AGAP1: variants seen among roughly 807,000 people sequenced by gnomAD.
AGAP1 encodes ArfGAP with GTPase domain, ankyrin repeat and PH domain 1, also known as arf-GAP with GTPase, ANK repeat and PH domain-containing protein 1.
AGAP1 carries 29 observed loss-of-function variants against 105.3 expected under a neutral mutation model. The ratio of observed to expected loss-of-function variants is 0.28; its 90% CI spans 0.21 to 0.38. The LOEUF (loss-of-function observed/expected upper bound fraction) is 0.38, where lower values mean the gene tolerates loss of function less well. Among genes scored for constraint, AGAP1 ranks in the 10% least tolerant of loss-of-function variants. The pLI is 1.00. For missense variants in AGAP1, 998 were observed against 1,165.1 expected, an observed-to-expected ratio of 0.86 and a Z score of 2.09; for synonymous variants, 509 against 485.9, an observed-to-expected ratio of 1.05 and a Z score of -0.63.
At chr2:235,854,947 C>A (rs866266328) in intron 9 of AGAP1, among the ~76,000 whole-genome samples, 1 of 152,114 alleles carries the variant, frequency 6.6e-6, no homozygotes, top group Non-Finnish European at 1.5e-5. Context: ...GCTCTGACTT[C>A]GTCACGTAGA....
intron 1 of AGAP1, among the ~76,000 whole-genome samples, chr2:235,495,606 C>T (rs546311229): frequency 6.6e-6 from 1 of 152,392 alleles, no homozygotes; most frequent in South Asian, 2.1e-4. Context: ...AGAATCCCCA[C>T]CCGCTTCCCT....
intron 13 of AGAP1, among the ~76,000 whole-genome samples, chr2:235,999,534 A>G (rs970704577): frequency 8.9e-5 from 11 of 124,094 alleles, no homozygotes; most frequent in Non-Finnish European, 1.8e-4. Context: ...GGTGATGATG[A>G]TGATAGTGGT....
In AGAP1 at chr2:235,557,345, A is replaced by G. The variant is rs1944006688; in HGVS notation, c.163+62496A>G. On this transcript the variant is annotated intron_variant, in intron 1 of 17. Coordinates refer to ENST00000304032, the MANE Select transcript of AGAP1 (RefSeq NM_001037131.3). This position sits in a 1 kb window ranked among gnomAD's most constrained non-coding sequence, Gnocchi z 4.7. ...CTGTTGCTCACCGCGTGTTGATTTT[A>G]TTTAAGACTGGAAAGGCTTGTCCAT... is the stretch of plus-strand genomic sequence containing the variant. 6.6e-6 allele frequency among the ~76,000 whole-genome samples: 1 copy of G among 152,022 alleles called. No individual in the cohort carries two copies. The highest frequency in any genetic ancestry group is 1.5e-5 in the Non-Finnish European group (1 of 68,022).
In AGAP1 at chr2:235,642,059, CGTA is replaced by C. The variant is rs1559308811; in HGVS notation, c.164-67115_164-67113del. 6.6e-6 allele frequency among the ~76,000 whole-genome samples: 1 copy of C among 152,224 alleles called. No individual in the cohort carries two copies. The highest frequency in any genetic ancestry group is 1.5e-5 in the Non-Finnish European group (1 of 68,036). On this transcript the variant is annotated intron_variant, in intron 1 of 17. Coordinates refer to ENST00000304032, the MANE Select transcript of AGAP1 (RefSeq NM_001037131.3). The surrounding 1 kb of genome is among the most constrained non-coding windows in gnomAD (Gnocchi z 4.1). ...TGCTTCTTTACTCAGCATAAAGCCT[CGTA>C]GTAGATTCTCAGGTCCCAGGGGTGC...
chr2:235,692,519 C>T lies in AGAP1; in HGVS notation c.164-16660C>T, dbSNP rs1949782036. 6.6e-6 allele frequency among the ~76,000 whole-genome samples: 1 copy of T among 152,140 alleles called. No individual in the cohort carries two copies. The highest frequency in any genetic ancestry group is 2.1e-4 in the South Asian group (1 of 4,810). On this transcript the variant is annotated intron_variant, in intron 1 of 17. Transcript: ENST00000304032. The surrounding 1 kb of genome is among the most constrained non-coding windows in gnomAD (Gnocchi z 5.8). ...TGAAACCCAAACTCTGCACTCCAGC[C>T]CCAGCATCAAACCATACTTCGCCCT... is the stretch of plus-strand genomic sequence containing the variant.
intron 16 of AGAP1, among the ~76,000 whole-genome samples, chr2:236,093,443 C>T (rs1450195550): frequency 6.6e-6 from 1 of 152,110 alleles, no homozygotes; most frequent in Non-Finnish European, 1.5e-5. Context: ...GCAAGGGAGA[C>T]GTGGCACCTC....
chr2:236,068,228 G>A (rs892489916), intron 16 of AGAP1, among the ~76,000 whole-genome samples: 4 of 152,120 alleles, frequency 2.6e-5, no homozygotes, highest in Admixed American at 2.0e-4. Context: ...CCAAGATCAC[G>A]CCACTACACT....
chr2:235,602,422 C>T (rs1323709414), intron 1 of AGAP1, among the ~76,000 whole-genome samples: 1 of 152,168 alleles, frequency 6.6e-6, no homozygotes, highest in Non-Finnish European at 1.5e-5. Flanking sequence ...CCTGCTTGGC[C>T]TTCTTTCCTC....
At chr2:235,715,833 C>T (rs577142162) in intron 2 of AGAP1, among the ~76,000 whole-genome samples, 11 of 152,108 alleles carry the variant, frequency 7.2e-5, no homozygotes, top group African/African-American at 2.7e-4. Flanking sequence ...TGACTTCCAG[C>T]CACTGGGAGT....
At chr2:235,995,534 G>T (rs1039857161) in intron 13 of AGAP1, among the ~76,000 whole-genome samples, 1 of 152,022 alleles carries the variant, frequency 6.6e-6, no homozygotes, top group African/African-American at 2.4e-5. Flanking sequence ...ACAAAAGAAA[G>T]AAAAAATTCT....
At chr2:236,010,898 T>C (rs1485342847) in intron 13 of AGAP1, among the ~76,000 whole-genome samples, 1 of 152,138 alleles carries the variant, frequency 6.6e-6, no homozygotes, top group Admixed American at 6.5e-5. Context: ...GTACAAAAAA[T>C]TAGTCGGGCG....
Position 235,518,263 on chromosome 2 carries a change from C to CTG in AGAP1, c.163+23415_163+23416insGT, listed in dbSNP as rs1345497837. On this transcript the variant is annotated intron_variant, in intron 1 of 17. Transcript: ENST00000304032. ...TTTACACTGTTTGATTGATTGGATG[C>CTG]TTATCAGGAATCTCAAAACCCAGCT... Among the ~76,000 whole-genome samples, 263 of 152,306 alleles carry CTG rather than the reference C, an allele frequency of 1.7e-3. 1 individual carries two copies. The highest frequency in any genetic ancestry group is 1.9e-4 in the Non-Finnish European group (13 of 68,030).
At chr2:235,675,740 C>T (rs1013452704) in intron 1 of AGAP1, among the ~76,000 whole-genome samples, 5 of 152,190 alleles carry the variant, frequency 3.3e-5, no homozygotes, top group African/African-American at 1.2e-4. Flanking sequence ...CTGTGCTGAA[C>T]GTCAGCCAGG....
intron 9 of AGAP1, among the ~76,000 whole-genome samples, chr2:235,840,768 GTT>G (rs11373301): frequency 6.8e-6 from 1 of 146,610 alleles, no homozygotes; most frequent in African/African-American, 2.5e-5. Flanking sequence ...AGAAAGAAGA[GTT>G]TTTTTTTTTT....
Position 235,963,354 on chromosome 2 carries a change from G to T in AGAP1, c.1484-5108G>T, listed in dbSNP as rs963333783. 6.6e-6 allele frequency among the ~76,000 whole-genome samples: 1 copy of T among 152,318 alleles called. No homozygotes were observed. Among genetic ancestry groups the T allele is most frequent in the East Asian group, 1.9e-4 (1 of 5,182 alleles). On this transcript the variant is annotated intron_variant, in intron 12 of 17. Transcript: ENST00000304032. The surrounding 1 kb of genome is among the most constrained non-coding windows in gnomAD (Gnocchi z 5.1). ...TCTGAGCTAGATGCCAGTGAGTCAG[G>T]TCACAACCAGGTGGGATTCTGAATT...
rs189890602 is a variant in AGAP1, at chr2:235,709,187, G to T, written c.172G>T (p.Val58Leu). 1 of 1,614,026 alleles carries T rather than the reference G, an allele frequency of 6.2e-7. No individual in the cohort carries two copies. The highest frequency in any genetic ancestry group is 1.3e-5 in the African/African-American group (1 of 75,000). The part of the protein sequence containing the change: ...EHVIAIEDAF[V>L]NSQEWTLSRS... The stretch of plus-strand genomic sequence containing the variant: ...GTCCTCCTCTTTTTCAGATGCCTTC[G>T]TGAACAGCCAGGAATGGACGCTGAG... Residue 58 changes from valine to leucine, a missense_variant, in exon 2 of 18, where the codon GTG becomes TTG. This residue lies in a region of AGAP1 where 735 missense variants were observed against 833.4 expected (regional missense o/e 0.88). Coordinates refer to ENST00000304032, the MANE Select transcript of AGAP1 (RefSeq NM_001037131.3).
At chr2:236,024,021 G>GTTTT (rs1278589760) in intron 13 of AGAP1, among the ~76,000 whole-genome samples, 3 of 112,146 alleles carry the variant, frequency 2.7e-5, no homozygotes, top group Admixed American at 9.1e-5. Context: ...GTGGTTGGTT[G>GTTTT]TTTTTTTTTT....
rs563213304 is a variant in AGAP1 at position 236,119,917 on chromosome 2, C to T, written c.2115-275C>T. Among the ~76,000 whole-genome samples the T allele has an allele frequency of 3.8e-4, 58 of 152,264 alleles. No individual in the cohort carries two copies. The highest frequency in any genetic ancestry group is 1.3e-3 in the African/African-American group (54 of 41,558). On this transcript the variant is annotated intron_variant, in intron 16 of 17. Coordinates refer to ENST00000304032, the MANE Select transcript of AGAP1 (RefSeq NM_001037131.3). This position sits in a 1 kb window ranked among gnomAD's most constrained non-coding sequence, Gnocchi z 6.6. ...TCACACCTTGGGCCTATTGGAATCC[C>T]CTGCAGGGCTTCTTAAAACACCCCG...
chr2:235,862,219 T>C (rs1347126521), intron 9 of AGAP1, among the ~76,000 whole-genome samples: 2 of 152,212 alleles, frequency 1.3e-5, no homozygotes, highest in Non-Finnish European at 2.9e-5. Flanking sequence ...TGCACTTTGT[T>C]TTCCAGAAGC....
Sources: allele counts gnomAD v4.1 joint callset (sites outside exome capture counted in the v4.1 genomes callset), GRCh38; gene constraint gnomAD v4.1.1; regional missense constraint gnomAD v4.1.1; non-coding constraint Gnocchi (gnomAD v3.1); transcripts MANE v1.5; gene names NCBI Gene and HGNC (gene_info 2026-07-23, HGNC 2026-07-21).